The following PTPRG variants were observed in gnomAD, a reference collection of about 807,000 sequenced individuals.
The protein encoded by PTPRG is protein tyrosine phosphatase receptor type G, also known as receptor-type tyrosine-protein phosphatase gamma.
In PTPRG, 102 loss-of-function variants were observed where a neutral mutation model predicts 165.3. The observed-to-expected ratio is 0.62, with a 90% CI of 0.53 to 0.73. The LOEUF is 0.73. Ranked by LOEUF, PTPRG falls within the 30% of genes least tolerant of loss-of-function variation. PTPRG has a pLI of 0.00. For synonymous variants in PTPRG, 675 were observed against 669.5 expected (o/e 1.01, Z -0.13); for missense variants, 1,866 against 1,861.4 (o/e 1.00, Z -0.05).
At chr3:61,989,561 G>C in intron 2 of PTPRG, 64 bp from the exon 3 acceptor site, 1 of 1,504,626 alleles carries the variant, frequency 6.6e-7, no homozygotes, top group Non-Finnish European at 9.0e-7. Flanking sequence ...AGCTTCCTAA[G>C]ATTTATTCAT....
chr3:61,909,511 C>T (rs1182556297), intron 2 of PTPRG, among the ~76,000 whole-genome samples: 1 of 152,036 alleles, frequency 6.6e-6, no homozygotes, highest in Non-Finnish European at 1.5e-5. Context: ...CCACACCTGA[C>T]TAATTTTTAA....
chr3:62,127,643 C>T (rs901632893), intron 5 of PTPRG, among the ~76,000 whole-genome samples: 22 of 152,240 alleles, frequency 1.4e-4, no homozygotes, highest in African/African-American at 4.3e-4. Context: ...GAGCAGCTGG[C>T]GGTGTCGGAT....
chr3:61,854,886 A>C (rs922835988), intron 2 of PTPRG, among the ~76,000 whole-genome samples: 2 of 152,106 alleles, frequency 1.3e-5, no homozygotes, highest in Non-Finnish European at 2.9e-5. Flanking sequence ...GCATATTACA[A>C]TTTTGAATTT....
chr3:62,199,211 A>G (rs984463821), intron 10 of PTPRG, among the ~76,000 whole-genome samples: 1 of 152,174 alleles, frequency 6.6e-6, no homozygotes, highest in African/African-American at 2.4e-5. Flanking sequence ...CTCAATGATC[A>G]TGGGAGGCTA....
intron 1 of PTPRG, among the ~76,000 whole-genome samples, chr3:61,614,341 G>A (rs1002812908): frequency 2.6e-5 from 4 of 151,460 alleles, no homozygotes; most frequent in African/African-American, 9.7e-5. Context: ...GACCTTGAGT[G>A]AGTTACTAAA....
chr3:61,742,155 G>A (rs1198633384), intron 1 of PTPRG, among the ~76,000 whole-genome samples: 1 of 151,952 alleles, frequency 6.6e-6, no homozygotes, highest in African/African-American at 2.4e-5. Flanking sequence ...TTTTTTCCCC[G>A]GAAGTCAATA....
At chr3:61,879,013 C>A (rs1015893788) in intron 2 of PTPRG, among the ~76,000 whole-genome samples, 2 of 152,050 alleles carry the variant, frequency 1.3e-5, no homozygotes, top group Non-Finnish European at 2.9e-5. Context: ...TAAATCTAAT[C>A]GAGTATAAAA....
intron 2 of PTPRG, among the ~76,000 whole-genome samples, chr3:61,897,529 C>T (rs1327466191): frequency 6.6e-6 from 1 of 152,120 alleles, no homozygotes; most frequent in African/African-American, 2.4e-5. Flanking sequence ...AGATTCTTCT[C>T]TCTCGATTGT....
At chr3:62,092,115 C>CTGG (rs1701955863) in intron 5 of PTPRG, among the ~76,000 whole-genome samples, 1 of 70,930 alleles carries the variant, frequency 1.4e-5, no homozygotes, top group Admixed American at 1.7e-4. Flanking sequence ...CACACACACA[C>CTGG]ACACACACAC....
At chr3:61,949,803 A>C (rs1200763656) in intron 2 of PTPRG, among the ~76,000 whole-genome samples, 1 of 151,328 alleles carries the variant, frequency 6.6e-6, no homozygotes. Flanking sequence ...GCTGGAGTGC[A>C]GTGGCGTGAT....
intron 1 of PTPRG, among the ~76,000 whole-genome samples, chr3:61,676,471 A>AAAAAAAAAAAAAAAAAAAAAGAAAG (rs369505317): frequency 1.0e-5 from 1 of 99,020 alleles, no homozygotes; most frequent in East Asian, 3.7e-4. Context: ...AAAAAAAAAA[A>AAAAAAAAAAAAAAAAAAAAAGAAAG]AAAGAAAATT....
At chr3:62,147,111 A>G (rs1480130347) in intron 6 of PTPRG, among the ~76,000 whole-genome samples, 3 of 152,144 alleles carry the variant, frequency 2.0e-5, no homozygotes, top group Non-Finnish European at 4.4e-5. Context: ...AGCCCTCACT[A>G]GGATGTTGAT....
chr3:61,662,074 C>T (rs1300598013), intron 1 of PTPRG, among the ~76,000 whole-genome samples: 1 of 152,136 alleles, frequency 6.6e-6, no homozygotes, highest in Admixed American at 6.5e-5. Context: ...AGTTAATTAA[C>T]CCAAGTTCTC....
chr3:62,231,600 G>A (rs182753890), intron 14 of PTPRG, among the ~76,000 whole-genome samples: 1 of 152,166 alleles, frequency 6.6e-6, no homozygotes, highest in Non-Finnish European at 1.5e-5. Context: ...CTATGTTTGT[G>A]TGTCTGTATG....
chr3:62,136,098 G>A lies in PTPRG; in HGVS notation c.682+3430G>A, dbSNP rs76044910. On this transcript the variant is annotated intron_variant, in intron 6 of 29. Transcript: ENST00000474889. ...GCTTAAGAGTGGCACAGAGCTTCAC[G>A]TCCCCTTCCAGAGGCACCTTCCTAA... 1.7e-3 allele frequency among the ~76,000 whole-genome samples: 261 copies of A among 152,206 alleles called. 1 individual carries two copies. The highest frequency in any genetic ancestry group is 4.9e-3 in the African/African-American group (202 of 41,540).
chr3:62,112,363 C>G (rs1702700916), intron 5 of PTPRG, among the ~76,000 whole-genome samples: 1 of 152,194 alleles, frequency 6.6e-6, no homozygotes, highest in Admixed American at 6.5e-5. Flanking sequence ...CTCAGCCTCC[C>G]AAAGTGCTGG....
chr3:62,125,087 C>G (rs945991923), intron 5 of PTPRG, among the ~76,000 whole-genome samples: 1 of 152,046 alleles, frequency 6.6e-6, no homozygotes, highest in Non-Finnish European at 1.5e-5. Context: ...AGCTGAGGGC[C>G]CCTAGCTTTG....
chr3:61,944,365 G>A (rs565953306), intron 2 of PTPRG, among the ~76,000 whole-genome samples: 16 of 152,314 alleles, frequency 1.1e-4, no homozygotes, highest in African/African-American at 3.1e-4. Flanking sequence ...CTTAAGATTG[G>A]CAGTGGGATT....
rs541274766 is a variant in PTPRG, at chr3:61,830,314, TGTC to T, written c.190+81335_190+81337del. The stretch of plus-strand genomic sequence containing the variant: ...TACGGTGTGAACTGTCTTACTCTGT[TGTC>T]GTGGAAGAATACTATCATCTTTTAG... On this transcript the variant is annotated intron_variant, in intron 2 of 29. Coordinates refer to ENST00000474889, the MANE Select transcript of PTPRG (RefSeq NM_002841.4). 2.4e-4 allele frequency among the ~76,000 whole-genome samples: 37 copies of T among 152,334 alleles called. 1 individual carries two copies. The South Asian group carries it at 7.5e-3, about 31-fold the overall frequency.
Sources: gnomAD v4.1 joint callset for allele counts (sites outside exome capture counted in the v4.1 genomes callset) on GRCh38, gnomAD v4.1.1 for gene constraint, MANE v1.5 for transcripts, NCBI Gene and HGNC (gene_info 2026-07-23, HGNC 2026-07-21) for gene names.